The following SERPINB6 variants were observed in gnomAD, a reference collection of about 807,000 sequenced individuals.
SERPINB6 encodes the protein serpin family B member 6.
In SERPINB6, 16 loss-of-function variants were observed where a neutral mutation model predicts 26.1. The observed-to-expected ratio is 0.61, with a 90% CI of 0.42 to 0.93. The LOEUF is 0.93. SERPINB6 is among the 40% of genes least tolerant of loss of function. SERPINB6 has a pLI of 0.00. For synonymous variants in SERPINB6, 174 were observed against 176.6 expected, an observed-to-expected ratio of 0.99 and a Z score of 0.11; for missense variants, 420 against 478.0, an observed-to-expected ratio of 0.88 and a Z score of 1.13.
rs1360730734 is a variant in SERPINB6 at position 2,948,706 on chromosome 6, G to A, written c.730-7C>T. The A allele has an allele frequency of 8.1e-6, 13 of 1,613,776 alleles. No homozygotes were observed. Among genetic ancestry groups the A allele is most frequent in the Non-Finnish European group, 9.3e-6 (11 of 1,179,800 alleles). On this transcript the variant is annotated splice_region_variant and splice_polypyrimidine_tract_variant and intron_variant, in intron 6 of 6. Transcript: ENST00000380539. This position sits in a 1 kb window ranked among gnomAD's most constrained non-coding sequence, Gnocchi z 5.0. ...AAGTGAGTTCTTTCTCCACCTAGAG[G>A]GAGACAGTTGAAGACTTTAAGACCC...
rs760282663 is a variant in SERPINB6 at position 2,948,332 on chromosome 6, C to G, written c.1097G>C (p.Gly366Ala). ...GGAAAAGCGGCCGCAGAAGAGAATCCCGTTGGTCTTGCTGTGCTGGATGAA... is the reference window on the plus strand; with the variant it reads ...GGAAAAGCGGCCGCAGAAGAGAATCGCGTTGGTCTTGCTGTGCTGGATGAA... ...LFFIQHSKTNGILFCGRFSSP is the reference protein window; with the variant it reads ...LFFIQHSKTNAILFCGRFSSP Residue 366 changes from glycine to alanine, a missense_variant, in exon 7 of 7, where the codon GGG (glycine) becomes GCG (alanine). Coordinates refer to ENST00000380539, the MANE Select transcript of SERPINB6 (RefSeq NM_004568.6). The surrounding 1 kb of genome is among the most constrained non-coding windows in gnomAD (Gnocchi z 5.0). The G allele has an allele frequency of 1.2e-6, 2 of 1,614,062 alleles. No individual in the cohort carries two copies. The highest frequency in any genetic ancestry group is 1.7e-6 in the Non-Finnish European group (2 of 1,180,012).
chr6:2,955,530 G>GA lies in SERPINB6; in HGVS notation c.305dup (p.Leu103ProfsTer5). ...AAGAGCAAGTATGACTTACTGAGAG[G>GA]AAATCACAAGACTTTTCCCCAAAGA... On this transcript the variant is annotated frameshift_variant, in exon 3 of 7. Coordinates refer to ENST00000380539, the MANE Select transcript of SERPINB6 (RefSeq NM_004568.6). LOFTEE classifies it high-confidence loss of function. 6.2e-7 allele frequency: 1 copy of GA among 1,614,192 alleles called. No individual in the cohort carries two copies. The highest frequency in any genetic ancestry group is 8.5e-7 in the Non-Finnish European group (1 of 1,180,040).
At chr6:2,960,818 G>C (rs980538603) in intron 1 of SERPINB6, 1 of 152,286 alleles carries the variant, frequency 6.6e-6, no homozygotes, top group African/African-American at 2.4e-5. Context: ...TGTGCAGCAC[G>C]ATTAGATTCA....
At chr6:2,961,891 T>TAA in intron 1 of SERPINB6, 1 of 984,968 alleles carries the variant, frequency 1.0e-6, no homozygotes, top group Non-Finnish European at 1.2e-6. Flanking sequence ...GAAGGACTCT[T>TAA]ACGCTTTTTT....
chr6:2,953,207 C>A (rs1161160665), intron 4 of SERPINB6, 21 bp from the exon 5 acceptor site: 1 of 1,614,114 alleles, frequency 6.2e-7, no homozygotes. Flanking sequence ...GAATTCAAGA[C>A]CGCATTAGAT....
At chr6:2,959,896 T>G (rs1223665763) in intron 1 of SERPINB6, 1 of 183,494 alleles carries the variant, frequency 5.4e-6, no homozygotes, top group Non-Finnish European at 1.2e-5. Context: ...AAATGCCTCC[T>G]GACCCTTGGA....
Position 2,953,794 on chromosome 6 carries a change from G to C in SERPINB6, c.431-608C>G, listed in dbSNP as rs553699618. 6.7e-4 allele frequency among the ~76,000 whole-genome samples: 102 copies of C among 152,286 alleles called. 1 individual carries two copies. Among genetic ancestry groups the C allele is most frequent in the Non-Finnish European group, 1.1e-3 (74 of 68,028 alleles). On this transcript the variant is annotated intron_variant, in intron 4 of 6. Transcript: ENST00000380539. ...TGCTGTAATCCCAGCACTTTGGGAG[G>C]CCAAGGCGGGTGGATCACGAGGTCA...
At chr6:2,950,210 A>C (rs887804779) in intron 5 of SERPINB6, among the ~76,000 whole-genome samples, 1 of 152,148 alleles carries the variant, frequency 6.6e-6, no homozygotes, top group African/African-American at 2.4e-5. Flanking sequence ...TGGCTGAAAA[A>C]TACCTAGCAC....
At chr6:2,958,800 G>A (rs1770781613) in intron 2 of SERPINB6, among the ~76,000 whole-genome samples, 1 of 152,054 alleles carries the variant, frequency 6.6e-6, no homozygotes, top group African/African-American at 2.4e-5. Flanking sequence ...AAGGCTTTAC[G>A]CGTAAATGAG....
intron 3 of SERPINB6, 175 bp downstream of exon 3, chr6:2,955,349 T>G: frequency 2.8e-6 from 2 of 715,468 alleles, no homozygotes; most frequent in South Asian, 3.5e-5. Flanking sequence ...AAGCGTGAAG[T>G]AGATCCACCT....
In SERPINB6 at chr6:2,967,167, T is replaced by C. The variant is rs936155933; in HGVS notation, c.-11+4366A>G. The C allele has an allele frequency of 1.3e-5, 13 of 985,222 alleles. No individual in the cohort carries two copies. The Admixed American group carries it at 3.7e-4, about 28-fold the overall frequency. The allele number at this position is 985,222 out of a possible 1,614,324, so 61.0% of individuals were successfully genotyped here. On this transcript the variant is annotated intron_variant, in intron 1 of 6. Transcript: ENST00000380539. The surrounding 1 kb of genome is among the most constrained non-coding windows in gnomAD (Gnocchi z 4.3). The stretch of plus-strand genomic sequence containing the variant: ...AGTGCAGAGCTCCAGCCACCCAGAC[T>C]CCTCGAGTTGGAGGGATCTGTTAAC...
At chr6:2,963,342 G>A (rs1396077971) in intron 1 of SERPINB6, 1 of 152,194 alleles carries the variant, frequency 6.6e-6, no homozygotes, top group Non-Finnish European at 1.5e-5. Flanking sequence ...GATAGCTGCT[G>A]AGAACACCTA....
chr6:2,952,790 G>A (rs769351014), intron 5 of SERPINB6, among the ~76,000 whole-genome samples: 4 of 152,270 alleles, frequency 2.6e-5, no homozygotes, highest in African/African-American at 4.8e-5. Flanking sequence ...AGGAGGAAAT[G>A]TCCGCTAGAA....
chr6:2,953,217 TA>T, intron 4 of SERPINB6, 31 bp from the exon 5 acceptor site: 1 of 1,613,870 alleles, frequency 6.2e-7, no homozygotes, highest in Non-Finnish European at 8.5e-7. Flanking sequence ...CCGCATTAGA[TA>T]GGGGCGGCTG....
intron 4 of SERPINB6, 56 bp from the exon 5 acceptor site, chr6:2,953,242 C>CATCAGGA: frequency 1.2e-6 from 2 of 1,611,708 alleles, no homozygotes; most frequent in Non-Finnish European, 1.7e-6. Context: ...ATCCCCGACA[C>CATCAGGA]ATCAGGAATC....
Position 2,967,274 on chromosome 6 carries a change from C to T in SERPINB6, c.-11+4259G>A. ...AACTGGACCCCTTCCTTACATACAC[C>T]ATGTACAAAAATCAACTCAAGATGG... On this transcript the variant is annotated intron_variant, in intron 1 of 6. Coordinates refer to ENST00000380539, the MANE Select transcript of SERPINB6 (RefSeq NM_004568.6). This position sits in a 1 kb window ranked among gnomAD's most constrained non-coding sequence, Gnocchi z 4.3. 1.0e-6 allele frequency: 1 copy of T among 963,922 alleles called. No individual in the cohort carries two copies. Among genetic ancestry groups the T allele is most frequent in the Non-Finnish European group, 1.2e-6 (1 of 810,500 alleles). The allele number at this position is 963,922 out of a possible 1,614,324, so 59.7% of individuals were successfully genotyped here. A position where few individuals can be genotyped will look rare whatever the true frequency, so the allele number is the denominator to read the frequency against.
chr6:2,969,129 C>T (rs1217399131), intron 1 of SERPINB6: 13 of 1,019,760 alleles, frequency 1.3e-5, no homozygotes, highest in Admixed American at 5.8e-5. Flanking sequence ...AATAAATCCA[C>T]ATTTAAAGTT....
At chr6:2,969,829 T>C in intron 1 of SERPINB6, 2 of 978,852 alleles carry the variant, frequency 2.0e-6, no homozygotes, top group Non-Finnish European at 2.4e-6. Context: ...GCCTAACATA[T>C]AAATGGGAGT....
intron 1 of SERPINB6, chr6:2,969,431 A>T (rs1447268422): frequency 1.0e-6 from 1 of 965,940 alleles, no homozygotes; most frequent in Non-Finnish European, 1.2e-6. Flanking sequence ...AAACTATACC[A>T]TTTAAAAATA....
Sources: allele counts gnomAD v4.1 joint callset (sites outside exome capture counted in the v4.1 genomes callset), GRCh38; gene constraint gnomAD v4.1.1; non-coding constraint Gnocchi (gnomAD v3.1); transcripts MANE v1.5; gene names NCBI Gene and HGNC (gene_info 2026-07-23, HGNC 2026-07-21).